Variants in HDAC9 observed in about 807,000 individuals in gnomAD.
HDAC9 encodes histone deacetylase 9.
In HDAC9, 41 loss-of-function variants were observed where a neutral mutation model predicts 139.4. That is an observed-to-expected ratio of 0.29 (90% CI 0.23 to 0.38). The LOEUF is 0.38. Ranked by LOEUF, HDAC9 falls within the 10% of genes least tolerant of loss-of-function variation. HDAC9 has a pLI of 1.00. For synonymous variants in HDAC9, 517 were observed against 476.2 expected (o/e 1.09, Z -1.12); for missense variants, 1,147 against 1,297.0 (o/e 0.88, Z 1.78).
chr7:18,118,887 G>A (rs1784186344), intron 1 of HDAC9, among the ~76,000 whole-genome samples: 1 of 152,132 alleles, frequency 6.6e-6, no homozygotes, highest in South Asian at 2.1e-4. Context: ...ATGGGAAATC[G>A]GAAAACACCT....
chr7:18,346,066 A>G (rs1782398883), intron 1 of HDAC9, among the ~76,000 whole-genome samples: 1 of 152,124 alleles, frequency 6.6e-6, no homozygotes, highest in Non-Finnish European at 1.5e-5. Context: ...GAAAATATAG[A>G]AACAACATTC....
intron 23 of HDAC9, among the ~76,000 whole-genome samples, chr7:18,953,824 T>A (rs189929417): frequency 1.6e-4 from 25 of 152,218 alleles, no homozygotes; most frequent in Non-Finnish European, 3.7e-4. Flanking sequence ...ACAGACATGA[T>A]GGAATTTGGT....
At chr7:18,514,497 C>G (rs1802550755) in intron 2 of HDAC9, among the ~76,000 whole-genome samples, 1 of 152,170 alleles carries the variant, frequency 6.6e-6, no homozygotes, top group South Asian at 2.1e-4. Context: ...ATAGAAATTT[C>G]AGTTAAGCAC....
chr7:18,336,127 T>C (rs34685336), intron 1 of HDAC9, among the ~76,000 whole-genome samples: 30,822 of 151,576 alleles, frequency 0.2, 3,211 homozygotes, highest in Middle Eastern at 0.22. Context: ...ATATCAGGTC[T>C]TGGACAAGTA....
At chr7:18,978,092 C>T (rs949683015) in intron 25 of HDAC9, among the ~76,000 whole-genome samples, 1 of 152,070 alleles carries the variant, frequency 6.6e-6, no homozygotes, top group Non-Finnish European at 1.5e-5. Context: ...GGAAACGTTT[C>T]TGGGCTTTTC....
At chr7:18,960,925 T>C (rs1383164518) in intron 24 of HDAC9, among the ~76,000 whole-genome samples, 1 of 152,144 alleles carries the variant, frequency 6.6e-6, no homozygotes, top group Non-Finnish European at 1.5e-5. Context: ...TTTGACCTCA[T>C]GGGGCTATGT....
chr7:18,620,890 C>T (rs189556530), intron 6 of HDAC9, among the ~76,000 whole-genome samples: 10 of 152,056 alleles, frequency 6.6e-5, no homozygotes, highest in East Asian at 1.9e-4. Flanking sequence ...CTGTGATAAA[C>T]GTTAAGAATT....
At chr7:18,350,293 T>C (rs1782752121) in intron 1 of HDAC9, among the ~76,000 whole-genome samples, 1 of 152,204 alleles carries the variant, frequency 6.6e-6, no homozygotes, top group Non-Finnish European at 1.5e-5. Context: ...GGCAGTAATT[T>C]TGAGTAATTG....
chr7:18,151,382 C>T (rs1786767725), intron 1 of HDAC9, among the ~76,000 whole-genome samples: 1 of 152,154 alleles, frequency 6.6e-6, no homozygotes, highest in African/African-American at 2.4e-5. Context: ...TTTGATTCTT[C>T]ACAGGAATAA....
At chr7:18,506,096 G>A (rs183593853) in intron 2 of HDAC9, 8 of 152,298 alleles carry the variant, frequency 5.3e-5, no homozygotes, top group Admixed American at 3.9e-4. Flanking sequence ...AAATAAAGAA[G>A]AATAACATTC....
intron 2 of HDAC9, among the ~76,000 whole-genome samples, chr7:18,257,118 A>ATGTGTGTG (rs150400645): frequency 7.4e-5 from 7 of 95,194 alleles, no homozygotes; most frequent in Admixed American, 2.6e-4. Flanking sequence ...GTGTGCATGT[A>ATGTGTGTG]TGTGTGTGTG....
chr7:18,354,002 G>T (rs1783061188), intron 1 of HDAC9, among the ~76,000 whole-genome samples: 1 of 152,022 alleles, frequency 6.6e-6, no homozygotes, highest in Non-Finnish European at 1.5e-5. Flanking sequence ...AGCCAAGGGT[G>T]GCTTTACCCT....
At chr7:18,355,952 C>G (rs1050066619) in intron 1 of HDAC9, among the ~76,000 whole-genome samples, 3 of 152,062 alleles carry the variant, frequency 2.0e-5, no homozygotes, top group African/African-American at 7.2e-5. Context: ...CTAGAGGGAT[C>G]TTACTGCAAG....
chr7:18,902,067 C>T (rs1474032126), intron 22 of HDAC9, among the ~76,000 whole-genome samples: 4 of 152,184 alleles, frequency 2.6e-5, no homozygotes, highest in Non-Finnish European at 5.9e-5. Context: ...AATAAAGCTA[C>T]CCTCACAGGC....
chr7:18,147,672 T>A (rs1005764434), intron 1 of HDAC9, among the ~76,000 whole-genome samples: 28 of 152,220 alleles, frequency 1.8e-4, no homozygotes, highest in African/African-American at 6.5e-4. Flanking sequence ...AAAATATAGT[T>A]GAAGTGCTCT....
intron 1 of HDAC9, among the ~76,000 whole-genome samples, chr7:18,477,547 T>C (rs1298562177): frequency 6.6e-6 from 1 of 152,214 alleles, no homozygotes; most frequent in Non-Finnish European, 1.5e-5. Flanking sequence ...AAAATACTTC[T>C]TTACTAGTAA....
At chr7:18,198,643 G>C (rs905679049) in intron 2 of HDAC9, among the ~76,000 whole-genome samples, 2 of 152,094 alleles carry the variant, frequency 1.3e-5, no homozygotes, top group African/African-American at 2.4e-5. Context: ...TTGGGTATTT[G>C]ATCAATATGT....
chr7:18,733,702 T>C (rs562027998), intron 13 of HDAC9, among the ~76,000 whole-genome samples: 14 of 152,048 alleles, frequency 9.2e-5, no homozygotes, highest in Middle Eastern at 3.4e-3. Context: ...CACACACATA[T>C]ATATTTTTTT....
chr7:18,591,004 A>G (rs1309717818), intron 4 of HDAC9, among the ~76,000 whole-genome samples: 3 of 152,188 alleles, frequency 2.0e-5, no homozygotes, highest in African/African-American at 4.8e-5. Flanking sequence ...GGTCGTAGCA[A>G]AGTTTAAAAT....
Sources: gnomAD v4.1 joint callset for allele counts (sites outside exome capture counted in the v4.1 genomes callset) on GRCh38, gnomAD v4.1.1 for gene constraint, MANE v1.5 for transcripts, NCBI Gene and HGNC (gene_info 2026-07-23, HGNC 2026-07-21) for gene names.